The following NUP214 variants were observed in gnomAD, a reference collection of about 807,000 sequenced individuals.
The protein encoded by NUP214 is nucleoporin 214.
NUP214 carries 79 observed loss-of-function variants against 196.2 expected under a neutral mutation model. That is an observed-to-expected ratio of 0.40 (90% CI 0.34 to 0.49). The LOEUF (loss-of-function observed/expected upper bound fraction) is 0.49, where lower values mean the gene tolerates loss of function less well. NUP214 is among the 20% of genes least tolerant of loss of function. NUP214 has a pLI of 0.58. For missense variants in NUP214, 2,468 were observed against 2,539.0 expected (o/e 0.97, Z 0.60); for synonymous variants, 1,020 against 990.5 (o/e 1.03, Z -0.56).
In NUP214 at chr9:131,144,857, T is replaced by C. The variant is rs541626519; in HGVS notation, c.1769+103T>C. The C allele has an allele frequency of 2.0e-5, 18 of 910,760 alleles. No homozygotes were observed. In the African/African-American group the frequency reaches 2.7e-4, roughly 14 times the overall value. The allele number at this position is 910,760 out of a possible 1,614,324, so 56.4% of individuals were successfully genotyped here. A position where few individuals can be genotyped will look rare whatever the true frequency, so the allele number is the denominator to read the frequency against. ...TCTGAGAGGAGTTAACTGAGTAGAATTTTTTTACCCAGAGTGATACTTGCA... is the reference window on the plus strand; with the variant it reads ...TCTGAGAGGAGTTAACTGAGTAGAACTTTTTTACCCAGAGTGATACTTGCA... On this transcript the variant is annotated intron_variant, in intron 12 of 35. Transcript: ENST00000359428.
intron 24 of NUP214, among the ~76,000 whole-genome samples, chr9:131,183,352 T>G (rs573346345): frequency 1.3e-5 from 2 of 152,378 alleles, no homozygotes; most frequent in East Asian, 3.9e-4. Flanking sequence ...CCCAAAGTGC[T>G]GGGATTACAG....
chr9:131,210,838 G>A (rs961980065), intron 30 of NUP214, among the ~76,000 whole-genome samples: 1 of 152,160 alleles, frequency 6.6e-6, no homozygotes, highest in African/African-American at 2.4e-5. Context: ...ACAATATCAG[G>A]CAGTCCAATA....
chr9:131,144,362 A>G lies in NUP214; in HGVS notation c.1377A>G (p.Pro459=). Residue 459 remains proline, a synonymous_variant, in exon 12 of 36, where the codon CCA becomes CCG. Transcript: ENST00000359428. ...CAGCTGCAGCCCCTGCCTCTCTGCCACCTTCATCACCTGCTGCTCCCATTG... is the reference window on the plus strand; with the variant it reads ...CAGCTGCAGCCCCTGCCTCTCTGCCGCCTTCATCACCTGCTGCTCCCATTG... ...ASAAAAPASL[P]PSSPAAPIAT... is the part of the protein sequence containing the mutation. 3.1e-6 allele frequency: 5 copies of G among 1,614,058 alleles called. No homozygotes were observed. The highest frequency in any genetic ancestry group is 4.2e-6 in the Non-Finnish European group (5 of 1,179,990).
At chr9:131,171,547 C>CTTTTTTTTTTTTTTTTTTT (rs11334591) in intron 21 of NUP214, among the ~76,000 whole-genome samples, 4 of 127,348 alleles carry the variant, frequency 3.1e-5, no homozygotes, top group Non-Finnish European at 5.0e-5. Flanking sequence ...GGAAGATTTT[C>CTTTTTTTTTTTTTTTTTTT]TTTTTTTTTT....
chr9:131,216,173 A>G (rs559496891), intron 31 of NUP214, among the ~76,000 whole-genome samples: 1 of 149,610 alleles, frequency 6.7e-6, no homozygotes, highest in African/African-American at 2.5e-5. Flanking sequence ...TACAGGTATG[A>G]GCCACCATGC....
chr9:131,229,807 C>T (rs1475780570), intron 33 of NUP214: 2 of 512,076 alleles, frequency 3.9e-6, no homozygotes, highest in Non-Finnish European at 7.8e-6. Context: ...TGGAAAGAGC[C>T]TTGACCTCAC....
In NUP214 at chr9:131,201,725, T is replaced by C. The variant is rs748410147; in HGVS notation, c.5592+8T>C. ...GGAATAGTCTTTGGCCAGGTAAATA[T>C]GCATTTGTCTTCATTCACGTCAACA... On this transcript the variant is annotated splice_region_variant and intron_variant, in intron 30 of 35. Transcript: ENST00000359428. The C allele has an allele frequency of 1.5e-5, 24 of 1,610,536 alleles. No individual in the cohort carries two copies. The East Asian group carries it at 1.6e-4, about 10-fold the overall frequency.
At chr9:131,149,807 C>T (rs150609507) in intron 14 of NUP214, 182 of 154,528 alleles carry the variant, frequency 1.2e-3, no homozygotes, top group Non-Finnish European at 2.3e-3. Flanking sequence ...CCCTCTACAA[C>T]GCCTCCCCTG....
rs560322138 is a variant in NUP214 at position 131,155,899 on chromosome 9, G to A, written c.2437-3484G>A. Among the ~76,000 whole-genome samples the A allele has an allele frequency of 1.1e-4, 17 of 152,272 alleles. No individual in the cohort carries two copies. The East Asian group carries it at 3.3e-3, about 29-fold the overall frequency. On this transcript the variant is annotated intron_variant, in intron 17 of 35. Transcript: ENST00000359428. ...TGACTATAGGCTTGTAGTATAGTTT[G>A]AAGTCAGATAACGTGATACCTCCAG... is the stretch of plus-strand genomic sequence containing the variant.
chr9:131,185,101 G>T (rs768956803), intron 24 of NUP214, among the ~76,000 whole-genome samples: 2 of 152,116 alleles, frequency 1.3e-5, no homozygotes, highest in East Asian at 1.9e-4. Context: ...TACAACAATG[G>T]GATGAGTATT....
chr9:131,175,219 T>C (rs1833079862), intron 22 of NUP214, among the ~76,000 whole-genome samples: 1 of 152,220 alleles, frequency 6.6e-6, no homozygotes, highest in African/African-American at 2.4e-5. Context: ...TATGTTGGTA[T>C]AAAAGTTGTA....
intron 26 of NUP214, chr9:131,191,614 A>G (rs1004712411): frequency 2.0e-5 from 3 of 152,294 alleles, no homozygotes; most frequent in African/African-American, 7.2e-5. Context: ...TATTATAGCA[A>G]TCATGTTTTA....
chr9:131,216,849 T>A (rs916824062), intron 31 of NUP214, among the ~76,000 whole-genome samples: 7 of 152,156 alleles, frequency 4.6e-5, no homozygotes, highest in African/African-American at 1.7e-4. Flanking sequence ...TGTTGACCTG[T>A]GTATTCATGG....
At chr9:131,182,833 A>G (rs1210160781) in intron 24 of NUP214, among the ~76,000 whole-genome samples, 1 of 151,360 alleles carries the variant, frequency 6.6e-6, no homozygotes, top group African/African-American at 2.4e-5. Context: ...TGTCTCTATG[A>G]CTCTATTTTA....
In NUP214 at chr9:131,197,843, T is replaced by A; in HGVS notation, c.4349T>A (p.Val1450Glu). 6.2e-7 allele frequency: 1 copy of A among 1,613,364 alleles called. No individual in the cohort carries two copies. Among genetic ancestry groups the A allele is most frequent in the African/African-American group, 1.3e-5 (1 of 75,048 alleles). ...GGAAGCCAACAGACCAATAGCACAG[T>A]GCCCCCATCTGCCCCACCACCAACT... ...SFGSQQTNSTVPPSAPPPTTA... is the reference protein window; with the variant it reads ...SFGSQQTNSTEPPSAPPPTTA... The change falls in exon 29 of 36, where the codon GTG becomes GAG. Residue 1450 changes from valine to glutamate, a missense_variant. Transcript: ENST00000359428.
chr9:131,148,711 A>C (rs931690959), intron 14 of NUP214, among the ~76,000 whole-genome samples: 1 of 151,998 alleles, frequency 6.6e-6, no homozygotes, highest in Non-Finnish European at 1.5e-5. Context: ...GTGTCTGTTC[A>C]TGTCTTTATT....
intron 21 of NUP214, among the ~76,000 whole-genome samples, chr9:131,167,760 T>C (rs556730726): frequency 6.6e-6 from 1 of 152,384 alleles, no homozygotes; most frequent in African/African-American, 2.4e-5. Context: ...TATTGAATAC[T>C]CTGTCTTATT....
chr9:131,170,789 G>GTTATTA (rs1253819409), intron 21 of NUP214, among the ~76,000 whole-genome samples: 1 of 112,512 alleles, frequency 8.9e-6, no homozygotes, highest in African/African-American at 3.3e-5. Context: ...CAGTCCTTTT[G>GTTATTA]TTATTATTAT....
In NUP214 at chr9:131,146,257, C is replaced by T. The variant is rs772904634; in HGVS notation, c.1898C>T (p.Pro633Leu). The change falls in exon 13 of 36, where the codon CCA (proline) becomes CTA (leucine). Residue 633 changes from proline (P) to leucine (L), a missense_variant. Physicochemically the swap from Pro to Leu is moderately conservative, Grantham distance 98. Around this residue, in one of 5 missense-constraint regions of NUP214, gnomAD observed 1,801 missense variants for 1,779.4 expected, o/e 1.01. Coordinates refer to ENST00000359428, the MANE Select transcript of NUP214 (RefSeq NM_005085.4). The surrounding 1 kb of genome is among the most constrained non-coding windows in gnomAD (Gnocchi z 4.6). ...PLSHPTPLSA[P>L]PSSVPLKSSV... ...AGCCACCCCACACCTCTCTCAGCAC[C>T]ACCTAGTTCCGTGCCATTGAAGTCC... The T allele has an allele frequency of 8.7e-6, 14 of 1,614,056 alleles. No individual in the cohort carries two copies. The highest frequency in any genetic ancestry group is 1.1e-5 in the Non-Finnish European group (13 of 1,180,038).
Sources: allele counts gnomAD v4.1 joint callset (sites outside exome capture counted in the v4.1 genomes callset), GRCh38; gene constraint gnomAD v4.1.1; regional missense constraint gnomAD v4.1.1; non-coding constraint Gnocchi (gnomAD v3.1); transcripts MANE v1.5; gene names NCBI Gene and HGNC (gene_info 2026-07-23, HGNC 2026-07-21).